Variants in CDK15 observed in about 807,000 individuals in gnomAD.
The protein encoded by CDK15 is cyclin-dependent kinase 15.
Under a neutral mutation model 60.3 loss-of-function variants are expected in CDK15, and 62 were observed. The ratio of observed to expected loss-of-function variants is 1.03; its 90% CI spans 0.84 to 1.27. The LOEUF is 1.27. Among genes scored for constraint, CDK15 ranks in the 50% most tolerant of loss-of-function variants. The pLI is 0.00. For missense variants in CDK15, 541 were observed against 527.8 expected (o/e 1.03, Z -0.25); for synonymous variants, 194 against 195.7 (o/e 0.99, Z 0.07).
intron 6 of CDK15, among the ~76,000 whole-genome samples, chr2:201,830,151 G>A (rs56001153): frequency 6.6e-6 from 1 of 152,136 alleles, no homozygotes; most frequent in Non-Finnish European, 1.5e-5. Context: ...ATGTTGCCCA[G>A]GCTGGTCTCG....
At chr2:201,831,438 C>T (rs1696749931) in intron 6 of CDK15, among the ~76,000 whole-genome samples, 1 of 152,148 alleles carries the variant, frequency 6.6e-6, no homozygotes, top group Admixed American at 6.5e-5. Flanking sequence ...ACTGTGCAGA[C>T]ACCATCATAT....
chr2:201,858,605 A>G (rs1028919061), intron 10 of CDK15, among the ~76,000 whole-genome samples: 5 of 152,136 alleles, frequency 3.3e-5, no homozygotes, highest in African/African-American at 1.2e-4. Flanking sequence ...CTCTTGGGAT[A>G]GCTTTCAGAG....
At chr2:201,830,140 T>G (rs1347316449) in intron 6 of CDK15, among the ~76,000 whole-genome samples, 2 of 152,084 alleles carry the variant, frequency 1.3e-5, no homozygotes, top group Admixed American at 6.5e-5. Context: ...GGGGTCTTGC[T>G]ATGTTGCCCA....
chr2:201,874,053 CAAAAAAAAA>C (rs61612545), intron 11 of CDK15, among the ~76,000 whole-genome samples: 8 of 113,980 alleles, frequency 7.0e-5, no homozygotes, highest in African/African-American at 2.1e-4. Flanking sequence ...GACTCCGTCT[CAAAAAAAAA>C]AAAAAAAAAA....
At chr2:201,850,070 G>A (rs957243087) in intron 9 of CDK15, among the ~76,000 whole-genome samples, 3 of 152,110 alleles carry the variant, frequency 2.0e-5, no homozygotes, top group East Asian at 3.9e-4. Context: ...TGATCCACCC[G>A]CTTTGGCCTC....
rs1698883468 is a variant in CDK15, at chr2:201,872,419, C to T, written c.1058+93C>T. On this transcript the variant is annotated intron_variant, in intron 11 of 13. Coordinates refer to ENST00000652192, the MANE Select transcript of CDK15 (RefSeq NM_001366386.2). ...ATCTCAGTCCACTGAACAGCAGCCC[C>T]CGAGCACTTCCATGTGGGGGCTCTA... 3 of 1,330,862 alleles carry T rather than the reference C, an allele frequency of 2.3e-6. No individual in the cohort carries two copies. The Admixed American group carries it at 5.1e-5, about 23-fold the overall frequency. 82.4% of individuals were successfully genotyped at this position (1,330,862 alleles called of 1,614,324 possible). A position where few individuals can be genotyped will look rare whatever the true frequency, so the allele number is the denominator to read the frequency against.
chr2:201,872,236 C>T (rs200862859), intron 10 of CDK15, 42 bp from the exon 11 acceptor site: 81 of 1,604,866 alleles, frequency 5.0e-5, no homozygotes, highest in African/African-American at 1.5e-4. Flanking sequence ...ACAGGGTTTT[C>T]GGGTGGATTT....
chr2:201,865,999 G>T (rs1698615814), intron 10 of CDK15, among the ~76,000 whole-genome samples: 1 of 124,202 alleles, frequency 8.1e-6, no homozygotes, highest in African/African-American at 3.2e-5. Context: ...CAGTTTTGAG[G>T]ACATGAGTGA....
At chr2:201,866,902 G>A (rs763635746) in intron 10 of CDK15, among the ~76,000 whole-genome samples, 3 of 152,096 alleles carry the variant, frequency 2.0e-5, no homozygotes, top group Non-Finnish European at 4.4e-5. Context: ...TGACTGACCC[G>A]GACACATCCA....
At position 201,892,898 on chromosome 2, in the gene CDK15, G is replaced by C. The variant is rs572575954; in HGVS notation, c.*34-403G>C. 3.3e-5 allele frequency among the ~76,000 whole-genome samples: 5 copies of C among 152,332 alleles called. No individual in the cohort carries two copies. The South Asian group carries it at 6.2e-4, about 19-fold the overall frequency. On this transcript the variant is annotated intron_variant, in intron 13 of 13. Transcript: ENST00000652192. ...TGCCTCAAAATTAAGATTCTTGAAA[G>C]AGCTTCAAAATGTCGGTTTCAGGCA...
At chr2:201,887,793 C>T (rs2105843414) in intron 12 of CDK15, among the ~76,000 whole-genome samples, 1 of 152,260 alleles carries the variant, frequency 6.6e-6, no homozygotes, top group Non-Finnish European at 1.5e-5. Context: ...AAGTGCACTT[C>T]GTGTTAGTTA....
chr2:201,872,850 C>T (rs1698909382), intron 11 of CDK15, among the ~76,000 whole-genome samples: 2 of 152,174 alleles, frequency 1.3e-5, no homozygotes, highest in African/African-American at 4.8e-5. Flanking sequence ...GCCAGGCAAC[C>T]TCCGGGCTAA....
intron 11 of CDK15, chr2:201,876,636 TC>T: frequency 8.5e-7 from 1 of 1,174,936 alleles, no homozygotes; most frequent in Non-Finnish European, 1.1e-6. Flanking sequence ...CTGGAACAAG[TC>T]CAGAAACCAC....
intron 6 of CDK15, among the ~76,000 whole-genome samples, chr2:201,827,993 T>C (rs1005014415): frequency 6.6e-6 from 1 of 152,174 alleles, no homozygotes; most frequent in African/African-American, 2.4e-5. Context: ...TGGAGAGGAA[T>C]GTGAAAATCA....
At chr2:201,814,241 T>G (rs1312278699) in intron 4 of CDK15, among the ~76,000 whole-genome samples, 2 of 152,248 alleles carry the variant, frequency 1.3e-5, no homozygotes, top group Non-Finnish European at 2.9e-5. Flanking sequence ...TTCTGTATGC[T>G]AAATGTTTCT....
intron 10 of CDK15, among the ~76,000 whole-genome samples, chr2:201,868,271 C>T (rs1698711906): frequency 6.6e-6 from 1 of 152,148 alleles, no homozygotes; most frequent in Non-Finnish European, 1.5e-5. Flanking sequence ...CATTTACTAT[C>T]CTACTTTCAC....
intron 3 of CDK15, among the ~76,000 whole-genome samples, 195 bp from the exon 4 acceptor site, chr2:201,812,288 A>C (rs1695812015): frequency 6.6e-6 from 1 of 152,098 alleles, no homozygotes; most frequent in South Asian, 2.1e-4. Context: ...CACTTTAGTA[A>C]AGAGGGAAAA....
intron 9 of CDK15, among the ~76,000 whole-genome samples, chr2:201,848,381 G>T (rs2105776727): frequency 6.6e-6 from 1 of 151,522 alleles, no homozygotes; most frequent in Non-Finnish European, 1.5e-5. Flanking sequence ...TTTTTATTGT[G>T]GTAAAATATA....
At chr2:201,873,139 T>C (rs549622320) in intron 11 of CDK15, among the ~76,000 whole-genome samples, 10 of 152,330 alleles carry the variant, frequency 6.6e-5, no homozygotes, top group African/African-American at 1.9e-4. Context: ...AACCAAAAGT[T>C]GTTTGAATTC....
Sources: allele counts gnomAD v4.1 joint callset (sites outside exome capture counted in the v4.1 genomes callset), GRCh38; gene constraint gnomAD v4.1.1; transcripts MANE v1.5; gene names NCBI Gene and HGNC (gene_info 2026-07-23, HGNC 2026-07-21).